Variants in LINGO2 observed in about 807,000 individuals in gnomAD.
LINGO2 encodes leucine rich repeat and Ig domain containing 2.
In LINGO2, 14 loss-of-function variants were observed where a neutral mutation model predicts 30.6. The observed-to-expected ratio is 0.46, with a 90% CI of 0.30 to 0.72. The LOEUF is 0.72. Among genes scored for constraint, LINGO2 ranks in the 30% least tolerant of loss-of-function variants. The pLI, the probability that LINGO2 is intolerant of heterozygous loss-of-function variation, is 0.07. For synonymous variants in LINGO2, 317 were observed against 288.5 expected, an observed-to-expected ratio of 1.10 and a Z score of -1.00; for missense variants, 729 against 751.7, an observed-to-expected ratio of 0.97 and a Z score of 0.35.
intron 5 of LINGO2, among the ~76,000 whole-genome samples, chr9:28,012,185 T>G (rs957315102): frequency 2.0e-5 from 3 of 151,992 alleles, no homozygotes; most frequent in African/African-American, 7.3e-5. Flanking sequence ...CACAGGGTAG[T>G]GGCTGGGAAA....
chr9:28,552,625 A>G (rs1441391379), intron 1 of LINGO2, among the ~76,000 whole-genome samples: 2 of 149,360 alleles, frequency 1.3e-5, no homozygotes, highest in African/African-American at 4.9e-5. Context: ...ATGTCTTTCC[A>G]TTCTGGGAAC....
At chr9:28,114,160 T>G (rs1826859558) in intron 4 of LINGO2, among the ~76,000 whole-genome samples, 1 of 68,754 alleles carries the variant, frequency 1.5e-5, no homozygotes, top group African/African-American at 3.7e-5. Flanking sequence ...TCTGCATGTA[T>G]TGAGATAATC....
intron 3 of LINGO2, among the ~76,000 whole-genome samples, chr9:28,342,288 C>T (rs142964448): frequency 6.6e-6 from 1 of 152,154 alleles, no homozygotes; most frequent in African/African-American, 2.4e-5. Context: ...GTTCATATTC[C>T]CATCGTCATA....
chr9:29,170,570 G>T, the LINGO2 span, among the ~76,000 whole-genome samples: 3 of 151,970 alleles, frequency 2.0e-5, no homozygotes, highest in Non-Finnish European at 4.4e-5. Flanking sequence ...CAACTCACTT[G>T]TATCCCCTAT....
At chr9:28,666,627 G>A (rs1828809372) in intron 1 of LINGO2, among the ~76,000 whole-genome samples, 1 of 152,098 alleles carries the variant, frequency 6.6e-6, no homozygotes, top group Non-Finnish European at 1.5e-5. Flanking sequence ...ATCCTTGGTT[G>A]TACTATAAGC....
At chr9:27,967,834 T>A (rs963401994) in intron 5 of LINGO2, among the ~76,000 whole-genome samples, 1 of 152,174 alleles carries the variant, frequency 6.6e-6, no homozygotes, top group African/African-American at 2.4e-5. Context: ...GCATGCCTAC[T>A]CTTAATTCAT....
chr9:28,548,739 T>A (rs945486420), intron 1 of LINGO2, among the ~76,000 whole-genome samples: 1 of 148,420 alleles, frequency 6.7e-6, no homozygotes, highest in Non-Finnish European at 1.5e-5. Flanking sequence ...AATATTTGAT[T>A]CTATATAATA....
chr9:27,961,229 A>T (rs2118577251), intron 5 of LINGO2, among the ~76,000 whole-genome samples: 1 of 152,304 alleles, frequency 6.6e-6, no homozygotes, highest in Non-Finnish European at 1.5e-5. Context: ...GTGTATTTTC[A>T]ATGTAATGAT....
chr9:28,076,852 G>C (rs1825637811), intron 4 of LINGO2, among the ~76,000 whole-genome samples: 1 of 152,086 alleles, frequency 6.6e-6, no homozygotes, highest in Non-Finnish European at 1.5e-5. Flanking sequence ...TTGTAGGGGA[G>C]CCATCTTTTC....
At chr9:28,392,697 G>A (rs573565258) in intron 2 of LINGO2, among the ~76,000 whole-genome samples, 1 of 152,172 alleles carries the variant, frequency 6.6e-6, no homozygotes, top group East Asian at 1.9e-4. Flanking sequence ...GGTGTTTCTG[G>A]TGACCAGTCC....
intron 3 of LINGO2, among the ~76,000 whole-genome samples, chr9:28,306,606 C>G (rs138634366): frequency 0.025 from 3,733 of 152,004 alleles, 54 homozygotes; most frequent in South Asian, 0.047. Flanking sequence ...AATAGAGACA[C>G]AAAAAACCCT....
the LINGO2 span, among the ~76,000 whole-genome samples, chr9:28,696,223 T>G: frequency 9.9e-5 from 15 of 152,076 alleles, no homozygotes; most frequent in Admixed American, 5.9e-4. Flanking sequence ...TTGTAACAAA[T>G]ACTCACACCA....
chr9:28,885,663 T>A, the LINGO2 span, among the ~76,000 whole-genome samples: 177 of 152,166 alleles, frequency 1.2e-3, 1 homozygote, highest in African/African-American at 4.2e-3. Context: ...TTACAAGAAC[T>A]GGTGCTATTA....
chr9:29,171,348 A>G, the LINGO2 span, among the ~76,000 whole-genome samples: 4 of 152,260 alleles, frequency 2.6e-5, no homozygotes, highest in South Asian at 6.2e-4. Context: ...AGAGGAGAAC[A>G]AAGATTCAGA....
chr9:29,017,619 T>C, the LINGO2 span, among the ~76,000 whole-genome samples: 9 of 152,194 alleles, frequency 5.9e-5, no homozygotes, highest in African/African-American at 9.6e-5. Flanking sequence ...AGAAACCACG[T>C]TGGCATGCAT....
At chr9:28,504,943 G>T (rs1047304756) in intron 1 of LINGO2, among the ~76,000 whole-genome samples, 1 of 151,808 alleles carries the variant, frequency 6.6e-6, no homozygotes, top group Non-Finnish European at 1.5e-5. Context: ...AGGGAAAATG[G>T]CATGAGCATA....
chr9:28,930,643 T>C, the LINGO2 span, among the ~76,000 whole-genome samples: 1 of 152,120 alleles, frequency 6.6e-6, no homozygotes, highest in Admixed American at 6.5e-5. This position sits in a 1 kb window ranked among gnomAD's most constrained non-coding sequence, Gnocchi z 4.2. Context: ...TCTAACATGA[T>C]GCTATTACAT....
the LINGO2 span, among the ~76,000 whole-genome samples, chr9:28,932,808 T>C: frequency 6.6e-6 from 1 of 152,198 alleles, no homozygotes; most frequent in Admixed American, 6.5e-5. Context: ...TCTCAATTTT[T>C]TCTGCTACTG....
the LINGO2 span, among the ~76,000 whole-genome samples, chr9:28,870,776 C>A: frequency 6.6e-6 from 1 of 151,944 alleles, no homozygotes; most frequent in Non-Finnish European, 1.5e-5. Context: ...TTAAATCGTA[C>A]TAAAGAAATA....
Sources: gnomAD v4.1 joint callset for allele counts (sites outside exome capture counted in the v4.1 genomes callset) on GRCh38, gnomAD v4.1.1 for gene constraint, Gnocchi (gnomAD v3.1) non-coding constraint, MANE v1.5 for transcripts, NCBI Gene and HGNC (gene_info 2026-07-23, HGNC 2026-07-21) for gene names.